ZNF789: variants seen among roughly 807,000 people sequenced by gnomAD.
The protein encoded by ZNF789 is zinc finger protein 789.
In ZNF789, 11 loss-of-function variants were observed where a neutral mutation model predicts 15.6. The ratio of observed to expected loss-of-function variants is 0.70; its 90% CI spans 0.44 to 1.16. The LOEUF (loss-of-function observed/expected upper bound fraction) is 1.16. ZNF789 is among the 50% of genes most tolerant of loss of function. ZNF789 has a pLI of 0.00. For missense variants in ZNF789, 461 were observed against 512.6 expected, an observed-to-expected ratio of 0.90 and a Z score of 0.97; for synonymous variants, 159 against 176.0, an observed-to-expected ratio of 0.90 and a Z score of 0.76.
chr7:99,487,036 A>G lies in ZNF789; in HGVS notation c.826A>G (p.Lys276Glu). The G allele has an allele frequency of 6.2e-7, 1 of 1,614,100 alleles. No individual in the cohort carries two copies. Among genetic ancestry groups the G allele is most frequent in the Non-Finnish European group, 8.5e-7 (1 of 1,180,038 alleles). ...FRQLAYLVEH[K>E]RIHTKEKPYK... ...GCAGCTCGCGTATCTTGTTGAACATAAGAGGATTCACACCAAAGAAAAACC... is the reference window on the plus strand; with the variant it reads ...GCAGCTCGCGTATCTTGTTGAACATGAGAGGATTCACACCAAAGAAAAACC... The change falls in exon 5 of 5, where the codon AAG becomes GAG. Residue 276 changes from lysine to glutamate, a missense_variant. By Grantham distance (56) the Lys-to-Glu change is moderately conservative. Coordinates refer to ENST00000331410, the MANE Select transcript of ZNF789 (RefSeq NM_213603.3).
chr7:99,482,062 T>C lies in ZNF789; in HGVS notation c.152-1968T>C, dbSNP rs903288740. 1.1e-5 allele frequency: 8 copies of C among 740,520 alleles called. No homozygotes were observed. In the African/African-American group the frequency reaches 1.4e-4, roughly 13 times the overall value. The allele number at this position is 740,520 out of a possible 1,614,324, so 45.9% of individuals were successfully genotyped here. ...TACTCATAAATATATAATAAGATAA[T>C]TTGAGGATCTGACAAGAAATTCACT... On this transcript the variant is annotated intron_variant, in intron 3 of 4. Transcript: ENST00000331410.
At chr7:99,476,584 A>G in intron 2 of ZNF789, 104 bp downstream of exon 2, 2 of 1,432,738 alleles carry the variant, frequency 1.4e-6, no homozygotes, top group Non-Finnish European at 1.9e-6. Flanking sequence ...TTTCCTTCTT[A>G]GACAGTGCAA....
intron 2 of ZNF789, chr7:99,478,620 C>A: frequency 2.9e-6 from 1 of 346,066 alleles, no homozygotes; most frequent in Non-Finnish European, 5.8e-6. Context: ...CCGCTGGGCC[C>A]CTTTGCCCAG....
chr7:99,484,121 G>A lies in ZNF789; in HGVS notation c.243G>A (p.Lys81=), dbSNP rs760035156. The A allele has an allele frequency of 1.2e-6, 2 of 1,613,958 alleles. No individual in the cohort carries two copies. Among genetic ancestry groups the A allele is most frequent in the South Asian group, 1.1e-5 (1 of 91,064 alleles). ...ILDLPRTGNR[K]ASGSACPGSE... ...ATCTACCGAGAACTGGGAATAGGAA[G>A]GCTTCCGGTAGTGCTTGCCCAGGTG... The change falls in exon 4 of 5, where the codon AAG becomes AAA. Residue 81 remains lysine (K), a synonymous_variant. Coordinates refer to ENST00000331410, the MANE Select transcript of ZNF789 (RefSeq NM_213603.3).
chr7:99,474,017 G>C (rs942023451), intron 1 of ZNF789, among the ~76,000 whole-genome samples: 1 of 152,202 alleles, frequency 6.6e-6, no homozygotes, highest in Non-Finnish European at 1.5e-5. Flanking sequence ...CTGAACTCAA[G>C]GGAGAAATCA....
chr7:99,481,985 TG>T (rs1799656078), intron 3 of ZNF789: 1 of 604,666 alleles, frequency 1.7e-6, no homozygotes, highest in South Asian at 2.1e-5. Flanking sequence ...TCCAAAATGC[TG>T]GGGACCAAAA....
chr7:99,482,529 A>C (rs1799696345), intron 3 of ZNF789, among the ~76,000 whole-genome samples: 1 of 152,308 alleles, frequency 6.6e-6, no homozygotes, highest in Middle Eastern at 3.4e-3. Flanking sequence ...ACACACACAC[A>C]TAACATACAC....
In ZNF789 at chr7:99,486,765, A is replaced by G; in HGVS notation, c.555A>G (p.Arg185=). 6.2e-7 allele frequency: 1 copy of G among 1,614,228 alleles called. No individual in the cohort carries two copies. Among genetic ancestry groups the G allele is most frequent in the Non-Finnish European group, 8.5e-7 (1 of 1,180,040 alleles). ...AGGATGGCAAACCCTTCAATCAAAGATCTTTGCTTTTGGGGCATGAGCGAA... is the reference window on the plus strand; with the variant it reads ...AGGATGGCAAACCCTTCAATCAAAGGTCTTTGCTTTTGGGGCATGAGCGAA... ...YDEDGKPFNQ[R]SLLLGHERIL... Residue 185 remains arginine, a synonymous_variant, in exon 5 of 5, where the codon AGA becomes AGG. Coordinates refer to ENST00000331410, the MANE Select transcript of ZNF789 (RefSeq NM_213603.3).
chr7:99,478,289 T>C, intron 2 of ZNF789: 2 of 1,289,542 alleles, frequency 1.6e-6, no homozygotes, highest in Non-Finnish European at 2.0e-6. Flanking sequence ...GGAATGCAGA[T>C]GGCTGAGTAG....
intron 1 of ZNF789, among the ~76,000 whole-genome samples, chr7:99,474,662 G>A (rs987902225): frequency 6.6e-6 from 1 of 152,046 alleles, no homozygotes; most frequent in African/African-American, 2.4e-5. Flanking sequence ...GGCCATATGC[G>A]GTCCACAGGC....
intron 4 of ZNF789, 122 bp from the exon 5 acceptor site, chr7:99,486,354 A>G: frequency 1.0e-6 from 1 of 1,002,990 alleles, no homozygotes; most frequent in South Asian, 1.8e-5. Context: ...GAGTCTGATG[A>G]TGTAAACGAG....
chr7:99,484,176 C>G (rs1426504528), intron 4 of ZNF789, 33 bp downstream of exon 4: 4 of 1,565,766 alleles, frequency 2.6e-6, no homozygotes, highest in Middle Eastern at 1.7e-4. Context: ...CGAGTGGAAT[C>G]AGGAAGAGGA....
intron 3 of ZNF789, among the ~76,000 whole-genome samples, chr7:99,483,367 A>G (rs1047759658): frequency 6.6e-6 from 1 of 151,650 alleles, no homozygotes; most frequent in African/African-American, 2.4e-5. Flanking sequence ...CAGTGGCTCA[A>G]GCCTATAATC....
Position 99,484,152 on chromosome 7 carries a change from G to A in ZNF789, c.265+9G>A. ...CGGTAGTGCTTGCCCAGGTGGGTGAGGAAGAGACCCAGGCGAGTGGAATCA... is the reference window on the plus strand; with the variant it reads ...CGGTAGTGCTTGCCCAGGTGGGTGAAGAAGAGACCCAGGCGAGTGGAATCA... On this transcript the variant is annotated intron_variant, in intron 4 of 4. Coordinates refer to ENST00000331410, the MANE Select transcript of ZNF789 (RefSeq NM_213603.3). The A allele has an allele frequency of 1.2e-6, 2 of 1,606,862 alleles. No individual in the cohort carries two copies. Among genetic ancestry groups the A allele is most frequent in the Non-Finnish European group, 8.5e-7 (1 of 1,173,834 alleles).
intron 4 of ZNF789, chr7:99,485,204 G>A (rs1416545908): frequency 1.4e-5 from 21 of 1,535,826 alleles, no homozygotes; most frequent in Non-Finnish European, 1.7e-5. Context: ...GTGTCCCGAT[G>A]CAGCTGCTCC....
chr7:99,474,615 T>C (rs1162509007), intron 1 of ZNF789, among the ~76,000 whole-genome samples: 1 of 151,264 alleles, frequency 6.6e-6, no homozygotes, highest in Non-Finnish European at 1.5e-5. Context: ...AAAGAAAGTT[T>C]ACGAATTTGT....
At chr7:99,482,706 TAGTC>T (rs1028011608) in intron 3 of ZNF789, among the ~76,000 whole-genome samples, 2 of 151,444 alleles carry the variant, frequency 1.3e-5, no homozygotes, top group African/African-American at 2.4e-5. Context: ...AATTCAAAAT[TAGTC>T]AGGCGTGGTG....
chr7:99,474,784 G>C (rs574647934), intron 1 of ZNF789, among the ~76,000 whole-genome samples: 1 of 151,976 alleles, frequency 6.6e-6, no homozygotes, highest in East Asian at 1.9e-4. Flanking sequence ...TTAAAAGGCA[G>C]AGGGTCCACC....
At chr7:99,484,190 G>A (rs1162108612) in intron 4 of ZNF789, 47 bp downstream of exon 4, 1 of 1,504,814 alleles carries the variant, frequency 6.6e-7, no homozygotes, top group Non-Finnish European at 9.2e-7. Context: ...AAGAGGAAGG[G>A]AAGGCATGTT....
Sources: allele counts gnomAD v4.1 joint callset (sites outside exome capture counted in the v4.1 genomes callset), GRCh38; gene constraint gnomAD v4.1.1; transcripts MANE v1.5; gene names NCBI Gene and HGNC (gene_info 2026-07-23, HGNC 2026-07-21).